MGAT4C: variants seen among roughly 807,000 people sequenced by gnomAD.
MGAT4C encodes MGAT4 family member C.
Under a neutral mutation model 40.1 loss-of-function variants are expected in MGAT4C, and 19 were observed. The ratio of observed to expected loss-of-function variants is 0.47; its 90% CI spans 0.33 to 0.70. The LOEUF is 0.70. Among genes scored for constraint, MGAT4C ranks in the 30% least tolerant of loss-of-function variants. The pLI is 0.02. For missense variants in MGAT4C, 491 were observed against 563.2 expected (o/e 0.87, Z 1.30); for synonymous variants, 181 against 187.1 (o/e 0.97, Z 0.27).
chr12:86,360,364 C>A (rs944916223), intron 3 of MGAT4C, among the ~76,000 whole-genome samples: 1 of 152,134 alleles, frequency 6.6e-6, no homozygotes. Flanking sequence ...TTATGACAAA[C>A]CCACAGCCAA....
intron 2 of MGAT4C, among the ~76,000 whole-genome samples, chr12:86,456,314 A>G (rs765317623): frequency 1.3e-5 from 2 of 152,114 alleles, no homozygotes; most frequent in Non-Finnish European, 2.9e-5. Context: ...CGGAAGAGCC[A>G]CATAATCAAC....
intron 3 of MGAT4C, among the ~76,000 whole-genome samples, chr12:86,367,342 G>A (rs896806103): frequency 2.0e-5 from 3 of 152,090 alleles, no homozygotes; most frequent in South Asian, 2.1e-4. Context: ...CTTCAGGTCC[G>A]CTAAGATAGG....
chr12:86,611,623 A>T (rs1250141999), intron 2 of MGAT4C, among the ~76,000 whole-genome samples: 5 of 152,168 alleles, frequency 3.3e-5, no homozygotes, highest in African/African-American at 9.7e-5. Context: ...ATCTCCTCGC[A>T]TCTCAGTTTT....
Position 85,961,511 on chromosome 12 carries a change from T to G in MGAT4C, c.*17778A>C, listed in dbSNP as rs1051248025. On this transcript the variant is annotated 3_prime_UTR_variant, in exon 5 of 5. Coordinates refer to ENST00000611864, the MANE Select transcript of MGAT4C (RefSeq NM_001351288.2). ...TTATATATGGTATAGTTTCAACTTCTAATCTTTTATCATCCTCTACCACAT... is the reference window on the plus strand; with the variant it reads ...TTATATATGGTATAGTTTCAACTTCGAATCTTTTATCATCCTCTACCACAT... 6.6e-6 allele frequency: 1 copy of G among 151,784 alleles called. No individual in the cohort carries two copies. The highest frequency in any genetic ancestry group is 2.4e-5 in the African/African-American group (1 of 41,410). 9.4% of individuals were successfully genotyped at this position (151,784 alleles called of 1,614,324 possible). A position where few individuals can be genotyped will look rare whatever the true frequency, so the allele number is the denominator to read the frequency against.
chr12:86,097,021 T>C (rs1874058439), intron 1 of MGAT4C, among the ~76,000 whole-genome samples: 1 of 151,582 alleles, frequency 6.6e-6, no homozygotes, highest in Admixed American at 6.6e-5. Context: ...CAGAACTGTA[T>C]GTCCATGAAG....
chr12:86,431,520 T>C (rs541636198), intron 3 of MGAT4C, among the ~76,000 whole-genome samples: 4 of 152,318 alleles, frequency 2.6e-5, no homozygotes, highest in African/African-American at 7.2e-5. Context: ...ACAACGGTGT[T>C]ATTTTCCAAT....
chr12:86,543,049 C>T (rs1432990528), intron 2 of MGAT4C, among the ~76,000 whole-genome samples: 1 of 151,730 alleles, frequency 6.6e-6, no homozygotes, highest in African/African-American at 2.4e-5. Context: ...TTTGCTAATC[C>T]CTACTTCTGT....
chr12:86,352,694 T>C (rs1955192836), intron 3 of MGAT4C, among the ~76,000 whole-genome samples: 1 of 152,100 alleles, frequency 6.6e-6, no homozygotes, highest in African/African-American at 2.4e-5. Flanking sequence ...ATACATCAGA[T>C]CAAAAAGTGA....
At chr12:86,638,214 T>A (rs542469909) in intron 2 of MGAT4C, among the ~76,000 whole-genome samples, 9 of 152,062 alleles carry the variant, frequency 5.9e-5, no homozygotes, top group African/African-American at 2.2e-4. Context: ...AGTAGACTTA[T>A]TCTTTGCCCC....
rs1883521119 is a variant in MGAT4C at position 85,969,566 on chromosome 12, A to T, written c.*9723T>A. ...GCAAGTGTTTTAGATGTTCAAGTTT[A>T]AAAAATGAGAAAAAAATGTTTTACA... On this transcript the variant is annotated 3_prime_UTR_variant, in exon 5 of 5. Transcript: ENST00000611864. 1 of 151,650 alleles carries T rather than the reference A, an allele frequency of 6.6e-6. No homozygotes were observed. The highest frequency in any genetic ancestry group is 6.6e-5 in the Admixed American group (1 of 15,198). The allele number at this position is 151,650 out of a possible 1,614,324, so 9.4% of individuals were successfully genotyped here.
rs370652137 is a variant in MGAT4C, at chr12:86,050,019, TAA to T, written c.-56-298_-56-297del. Among the ~76,000 whole-genome samples the T allele has an allele frequency of 6.2e-4, 94 of 152,062 alleles. No homozygotes were observed. In the East Asian group the frequency reaches 0.011, roughly 18 times the overall value. On this transcript the variant is annotated intron_variant, in intron 1 of 4. Transcript: ENST00000611864. ...AACATAATATAGAGATACACACATATAAGTCTCTTTTAATATTACTATTGACG... is the reference window on the plus strand; with the variant it reads ...AACATAATATAGAGATACACACATATGTCTCTTTTAATATTACTATTGACG...
At chr12:86,578,248 CCCT>C (rs1370935744) in intron 2 of MGAT4C, among the ~76,000 whole-genome samples, 12 of 151,768 alleles carry the variant, frequency 7.9e-5, no homozygotes, top group African/African-American at 2.9e-4. Flanking sequence ...CTCCCTCTCT[CCCT>C]CCTCTTCCTT....
intron 2 of MGAT4C, among the ~76,000 whole-genome samples, chr12:86,501,649 C>T (rs1958345108): frequency 6.6e-6 from 1 of 152,010 alleles, no homozygotes; most frequent in African/African-American, 2.4e-5. Context: ...TCAGGTTCAT[C>T]CATGTCCCTG....
At chr12:86,741,514 C>T (rs999559113) in intron 1 of MGAT4C, among the ~76,000 whole-genome samples, 5 of 151,218 alleles carry the variant, frequency 3.3e-5, no homozygotes, top group East Asian at 1.9e-4. Context: ...GGAAAACCAA[C>T]GTGTTTTGTT....
chr12:86,432,713 A>C (rs1365738266), intron 3 of MGAT4C, among the ~76,000 whole-genome samples: 1 of 152,156 alleles, frequency 6.6e-6, no homozygotes, highest in East Asian at 1.9e-4. Context: ...GAATGAATAA[A>C]GCAAAGAAAA....
intron 2 of MGAT4C, among the ~76,000 whole-genome samples, chr12:86,543,909 C>T (rs981647873): frequency 1.3e-5 from 2 of 152,074 alleles, no homozygotes; most frequent in South Asian, 2.1e-4. Context: ...TCACATACCA[C>T]GCAGCTGGCC....
At chr12:86,539,774 A>G (rs917705661) in intron 2 of MGAT4C, among the ~76,000 whole-genome samples, 28 of 152,230 alleles carry the variant, frequency 1.8e-4, no homozygotes, top group Admixed American at 1.1e-3. Flanking sequence ...ATGGCCAGTT[A>G]TGATGAGCAT....
chr12:86,351,531 A>G (rs1041900761), intron 3 of MGAT4C, among the ~76,000 whole-genome samples: 2 of 152,168 alleles, frequency 1.3e-5, no homozygotes, highest in Middle Eastern at 3.4e-3. Flanking sequence ...TAACATAATT[A>G]TTGCCAGTAA....
At chr12:86,505,720 T>G (rs984003513) in intron 2 of MGAT4C, among the ~76,000 whole-genome samples, 6 of 152,234 alleles carry the variant, frequency 3.9e-5, no homozygotes, top group Non-Finnish European at 7.3e-5. Context: ...TTCATTTGTA[T>G]GTACTGGAGA....
Sources: allele counts gnomAD v4.1 joint callset (sites outside exome capture counted in the v4.1 genomes callset), GRCh38; gene constraint gnomAD v4.1.1; transcripts MANE v1.5; gene names NCBI Gene and HGNC (gene_info 2026-07-23, HGNC 2026-07-21).